The following PROM1 variants were observed in gnomAD, a reference collection of about 807,000 sequenced individuals.
PROM1 encodes prominin 1.
A neutral mutation model predicts 116.9 loss-of-function variants in PROM1; 105 were observed. The ratio of observed to expected loss-of-function variants is 0.90; its 90% CI spans 0.77 to 1.06. The LOEUF (loss-of-function observed/expected upper bound fraction) is 1.06. Ranked by LOEUF, PROM1 falls within the 50% of genes least tolerant of loss-of-function variation. The probability of loss-of-function intolerance (pLI) is 0.00; values close to 1 mark genes in which losing one functional copy is unlikely to be tolerated. For missense variants in PROM1, 1,122 were observed against 1,045.2 expected, an observed-to-expected ratio of 1.07 and a Z score of -1.01; for synonymous variants, 393 against 387.0, an observed-to-expected ratio of 1.02 and a Z score of -0.18.
chr4:16,046,701 C>G (rs1218352754), intron 2 of PROM1, among the ~76,000 whole-genome samples: 2 of 152,208 alleles, frequency 1.3e-5, no homozygotes, highest in African/African-American at 4.8e-5. Flanking sequence ...TCATCTGGTG[C>G]AAAGCCAGTC....
rs928919895 is a variant in PROM1 at position 15,968,699 on chromosome 4, A to G, written c.*694T>C. On this transcript the variant is annotated 3_prime_UTR_variant, in exon 28 of 28. Transcript: ENST00000447510. ...TCTCTCTCTCTTTTGAATTTGTCAG[A>G]TGGAGTTACGCAGGTTTCTCTATGA... is the stretch of plus-strand genomic sequence containing the variant. 1.3e-5 allele frequency: 2 copies of G among 152,238 alleles called. No homozygotes were observed. Among genetic ancestry groups the G allele is most frequent in the Non-Finnish European group, 2.9e-5 (2 of 68,046 alleles). 9.4% of individuals were successfully genotyped at this position (152,238 alleles called of 1,614,324 possible).
chr4:15,986,530 G>A (rs1719456696), intron 20 of PROM1, among the ~76,000 whole-genome samples: 1 of 152,116 alleles, frequency 6.6e-6, no homozygotes, highest in Non-Finnish European at 1.5e-5. Context: ...TCTGCCCAGG[G>A]ACCTCAGGGC....
At chr4:15,980,303 TAAAAAAA>T in intron 24 of PROM1, 112 bp downstream of exon 24, 2 of 609,456 alleles carry the variant, frequency 3.3e-6, no homozygotes, top group Non-Finnish European at 5.5e-6. Context: ...CAACTACTAC[TAAAAAAA>T]AAAAAAAAAA....
chr4:16,015,223 G>A (rs1728005697), intron 10 of PROM1, among the ~76,000 whole-genome samples: 1 of 150,940 alleles, frequency 6.6e-6, no homozygotes, highest in Non-Finnish European at 1.5e-5. Flanking sequence ...GCGTGTGCCT[G>A]TTATCCCAGC....
intron 25 of PROM1, among the ~76,000 whole-genome samples, 200 bp downstream of exon 25, chr4:15,979,681 T>C (rs1248175955): frequency 6.6e-6 from 1 of 152,214 alleles, no homozygotes; most frequent in Admixed American, 6.5e-5. Flanking sequence ...TAAAATTTCA[T>C]TAATTCATCA....
chr4:16,047,094 A>T (rs1013997386), intron 2 of PROM1, among the ~76,000 whole-genome samples: 1 of 152,198 alleles, frequency 6.6e-6, no homozygotes, highest in Non-Finnish European at 1.5e-5. Flanking sequence ...CTCAGGTAGG[A>T]GTGGACGCTA....
chr4:15,986,523 G>T (rs1719454175), intron 20 of PROM1, among the ~76,000 whole-genome samples: 1 of 151,956 alleles, frequency 6.6e-6, no homozygotes, highest in African/African-American at 2.4e-5. Flanking sequence ...GGCCTTTTCT[G>T]CCCAGGGACC....
intron 11 of PROM1, among the ~76,000 whole-genome samples, chr4:16,012,209 C>A (rs1191416473): frequency 6.6e-6 from 1 of 152,098 alleles, no homozygotes; most frequent in Non-Finnish European, 1.5e-5. Context: ...GTTGGCCAGG[C>A]TGATCTCGAA....
chr4:16,052,162 C>T (rs1044360767), intron 2 of PROM1, among the ~76,000 whole-genome samples: 6 of 152,176 alleles, frequency 3.9e-5, no homozygotes, highest in East Asian at 3.9e-4. Context: ...TGAGCCTGAA[C>T]GCTCGTGAAC....
At chr4:16,024,695 G>A (rs1310492827) in intron 6 of PROM1, among the ~76,000 whole-genome samples, 1 of 152,170 alleles carries the variant, frequency 6.6e-6, no homozygotes, top group Non-Finnish European at 1.5e-5. Context: ...CCGTGAGTAT[G>A]TGTACGTGTG....
At chr4:16,004,396 GTTTTA>G (rs796395281) in intron 13 of PROM1, among the ~76,000 whole-genome samples, 5 of 152,150 alleles carry the variant, frequency 3.3e-5, no homozygotes, top group African/African-American at 1.2e-4. Context: ...TGATTTCTCT[GTTTTA>G]TTTTTTCTTT....
chr4:16,024,361 G>GA lies in PROM1; in HGVS notation c.631-4dup. The GA allele has an allele frequency of 6.2e-7, 1 of 1,608,662 alleles. No homozygotes were observed. Among genetic ancestry groups the GA allele is most frequent in the African/African-American group, 1.3e-5 (1 of 74,808 alleles). On this transcript the variant is annotated splice_polypyrimidine_tract_variant and splice_region_variant and intron_variant, in intron 6 of 27. Coordinates refer to ENST00000447510, the MANE Select transcript of PROM1 (RefSeq NM_006017.3). ...TGGGCCAATATATATTTGATTTGCT[G>GA]AAAAAAGAACATTCTGTGAAACCTC...
At position 16,070,598 on chromosome 4, in the gene PROM1, A is replaced by T. The variant is rs79618924; in HGVS notation, c.220+5089T>A. On this transcript the variant is annotated intron_variant, in intron 2 of 27. Coordinates refer to ENST00000447510, the MANE Select transcript of PROM1 (RefSeq NM_006017.3). ...TTTAACAAAAGAATCAAATGAGCAA[A>T]CACTTAGCAAAGTAAGTCTTACAGC... Among the ~76,000 whole-genome samples, 211 of 152,378 alleles carry T rather than the reference A, an allele frequency of 1.4e-3. 5 individuals are homozygous for T. The East Asian group carries it at 0.039, about 28-fold the overall frequency.
chr4:15,994,367 T>G (rs1721801261), intron 15 of PROM1, among the ~76,000 whole-genome samples: 1 of 152,200 alleles, frequency 6.6e-6, no homozygotes, highest in South Asian at 2.1e-4. Context: ...GTTTACAGAT[T>G]GGGAAGAAAT....
chr4:15,987,599 C>T (rs2149090241), intron 20 of PROM1, 64 bp downstream of exon 20: 2 of 1,490,368 alleles, frequency 1.3e-6, no homozygotes, highest in Admixed American at 1.9e-5. Context: ...ATCCACATTT[C>T]TAGCATTCTT....
chr4:15,985,365 C>T, intron 22 of PROM1: 1 of 206,498 alleles, frequency 4.8e-6, no homozygotes, highest in South Asian at 8.6e-5. Context: ...AAAGCAAGAT[C>T]CTTATTCTCT....
At chr4:16,077,250 C>T (rs1262433988) in intron 1 of PROM1, among the ~76,000 whole-genome samples, 1 of 152,236 alleles carries the variant, frequency 6.6e-6, no homozygotes, top group African/African-American at 2.4e-5. Flanking sequence ...CGCCTTAGGG[C>T]TGGAGGTGGG....
At chr4:16,074,771 C>T (rs923447023) in intron 2 of PROM1, among the ~76,000 whole-genome samples, 5 of 152,178 alleles carry the variant, frequency 3.3e-5, no homozygotes, top group Non-Finnish European at 5.9e-5. Flanking sequence ...TCACTAAATA[C>T]ATCCTGTCTC....
chr4:16,026,160 C>T (rs16892834), intron 5 of PROM1, among the ~76,000 whole-genome samples: 1 of 152,094 alleles, frequency 6.6e-6, no homozygotes, highest in Non-Finnish European at 1.5e-5. Flanking sequence ...GGAAAGCCTT[C>T]TCTATGTGAA....
Sources: allele counts gnomAD v4.1 joint callset (sites outside exome capture counted in the v4.1 genomes callset), GRCh38; gene constraint gnomAD v4.1.1; transcripts MANE v1.5; gene names NCBI Gene and HGNC (gene_info 2026-07-23, HGNC 2026-07-21).